The following HNRNPLL variants were observed in gnomAD, a reference collection of about 807,000 sequenced individuals.
HNRNPLL encodes heterogeneous nuclear ribonucleoprotein L like.
HNRNPLL carries 25 observed loss-of-function variants against 67.1 expected under a neutral mutation model. The observed-to-expected ratio is 0.37, with a 90% CI of 0.27 to 0.52. The LOEUF (loss-of-function observed/expected upper bound fraction) is 0.52, where lower values mean the gene tolerates loss of function less well. HNRNPLL is among the 20% of genes least tolerant of loss of function. The pLI is 0.90. For synonymous variants in HNRNPLL, 267 were observed against 241.7 expected (o/e 1.10, Z -0.97); for missense variants, 542 against 673.9 (o/e 0.80, Z 2.17).
intron 6 of HNRNPLL, among the ~76,000 whole-genome samples, chr2:38,579,039 C>T (rs148742103): frequency 1.4e-4 from 21 of 152,192 alleles, no homozygotes; most frequent in Admixed American, 2.0e-4. Context: ...CTTAAGCATA[C>T]GCCATCAAAC....
rs2148329006 is a variant in HNRNPLL at position 38,563,310 on chromosome 2, G to A, written c.*872C>T. 6.6e-6 allele frequency: 1 copy of A among 152,090 alleles called. No individual in the cohort carries two copies. The highest frequency in any genetic ancestry group is 1.9e-4 in the East Asian group (1 of 5,182). 9.4% of individuals were successfully genotyped at this position (152,090 alleles called of 1,614,324 possible). A position where few individuals can be genotyped will look rare whatever the true frequency, so the allele number is the denominator to read the frequency against. On this transcript the variant is annotated 3_prime_UTR_variant, in exon 13 of 13. Coordinates refer to ENST00000449105, the MANE Select transcript of HNRNPLL (RefSeq NM_138394.4). ...AAATACATATTACTGATGGATCCAA[G>A]AGTTAAAAAATAAAAATGTAAATAT...
At chr2:38,582,594 G>A (rs1231027758) in intron 4 of HNRNPLL, among the ~76,000 whole-genome samples, 2 of 152,124 alleles carry the variant, frequency 1.3e-5, no homozygotes, top group East Asian at 3.9e-4. Context: ...ACAGACGTGA[G>A]TCACTGCGCC....
chr2:38,577,471 A>G lies in HNRNPLL; in HGVS notation c.864T>C (p.His288=), dbSNP rs992797762. The G allele has an allele frequency of 7.5e-6, 12 of 1,600,810 alleles. No individual in the cohort carries two copies. The highest frequency in any genetic ancestry group is 2.7e-5 in the African/African-American group (2 of 74,604). Residue 288 remains histidine, a synonymous_variant, in exon 7 of 13, where the codon CAT becomes CAC. Transcript: ENST00000449105. The part of the protein sequence containing the change: ...ILGEHPSSFR[H]DGYGSHGPLL... The stretch of plus-strand genomic sequence containing the variant: ...ACCTTGACAACTTACCATAGCCATC[A>G]TGTCTAAACGAAGAAGGGTGTTCTC...
At chr2:38,569,658 G>A in intron 9 of HNRNPLL, 146 bp downstream of exon 9, 1 of 534,198 alleles carries the variant, frequency 1.9e-6, no homozygotes, top group Non-Finnish European at 3.2e-6. Context: ...CCTAACTCTT[G>A]TCTAAAATAA....
At chr2:38,591,198 A>G (rs915654246) in intron 2 of HNRNPLL, among the ~76,000 whole-genome samples, 1 of 152,206 alleles carries the variant, frequency 6.6e-6, no homozygotes, top group Non-Finnish European at 1.5e-5. Flanking sequence ...TGAAGCATGT[A>G]ATCAACTCAA....
In HNRNPLL at chr2:38,577,474, T is replaced by C. The variant is rs1448924797; in HGVS notation, c.861A>G (p.Arg287=). ...TTGACAACTTACCATAGCCATCATG[T>C]CTAAACGAAGAAGGGTGTTCTCCCA... ...AILGEHPSSF[R]HDGYGSHGPL... Residue 287 remains arginine (R), a synonymous_variant, in exon 7 of 13, where the codon AGA becomes AGG. Transcript: ENST00000449105. The C allele has an allele frequency of 6.2e-7, 1 of 1,603,922 alleles. No homozygotes were observed. The highest frequency in any genetic ancestry group is 8.5e-7 in the Non-Finnish European group (1 of 1,171,088).
In HNRNPLL at chr2:38,602,291, C is replaced by G; in HGVS notation, c.189+147G>C. 4 of 723,156 alleles carry G rather than the reference C, an allele frequency of 5.5e-6. 1 individual carries two copies. In the South Asian group the frequency reaches 7.7e-5, roughly 14 times the overall value. 44.8% of individuals were successfully genotyped at this position (723,156 alleles called of 1,614,324 possible). ...CGGGAAACAGGTAGAGGCCAGAATA[C>G]GAGCCCCAAAGAGAAGAGTGGGCGC... On this transcript the variant is annotated intron_variant, in intron 1 of 12. Transcript: ENST00000449105.
chr2:38,599,888 T>C (rs1481764131), intron 1 of HNRNPLL: 4 of 471,176 alleles, frequency 8.5e-6, no homozygotes, highest in Non-Finnish European at 1.8e-5. Context: ...ATGCCATCAT[T>C]GTACCTAACC....
chr2:38,573,832 C>G (rs1366020183), intron 7 of HNRNPLL, among the ~76,000 whole-genome samples: 2 of 151,916 alleles, frequency 1.3e-5, no homozygotes, highest in Admixed American at 6.6e-5. Context: ...ACAGTGAAAT[C>G]TGGGAAGCTA....
At chr2:38,585,926 C>G in intron 2 of HNRNPLL, 45 bp from the exon 3 acceptor site, 2 of 1,135,728 alleles carry the variant, frequency 1.8e-6, no homozygotes, top group South Asian at 2.5e-5. Flanking sequence ...CAGCAAGTTC[C>G]GTTAACATTA....
Position 38,564,089 on chromosome 2 carries a change from C to G in HNRNPLL, c.*93G>C. 1.2e-6 allele frequency: 1 copy of G among 812,552 alleles called. No individual in the cohort carries two copies. The highest frequency in any genetic ancestry group is 2.2e-6 in the Non-Finnish European group (1 of 464,740). The allele number at this position is 812,552 out of a possible 1,614,324, so 50.3% of individuals were successfully genotyped here. A position where few individuals can be genotyped will look rare whatever the true frequency, so the allele number is the denominator to read the frequency against. ...CAGGATCTTAAAGTAAGCAAGGCAA[C>G]ATGAGATCAACCATTTTAGATTTTT... On this transcript the variant is annotated 3_prime_UTR_variant, in exon 13 of 13. Coordinates refer to ENST00000449105, the MANE Select transcript of HNRNPLL (RefSeq NM_138394.4).
chr2:38,571,857 AC>A (rs1446473664), intron 8 of HNRNPLL, among the ~76,000 whole-genome samples: 1 of 152,204 alleles, frequency 6.6e-6, no homozygotes, highest in Non-Finnish European at 1.5e-5. Context: ...CAAATAACAT[AC>A]AAAAAATCTA....
chr2:38,584,533 AAATT>A (rs779804869), intron 3 of HNRNPLL, among the ~76,000 whole-genome samples: 9 of 152,196 alleles, frequency 5.9e-5, no homozygotes, highest in Non-Finnish European at 1.0e-4. Context: ...TGATGATATA[AAATT>A]AATAAACCAA....
chr2:38,590,934 G>C (rs560056866), intron 2 of HNRNPLL, among the ~76,000 whole-genome samples: 1 of 152,302 alleles, frequency 6.6e-6, no homozygotes, highest in African/African-American at 2.4e-5. Flanking sequence ...GGGCTCAGGA[G>C]GTGGAGGCTC....
chr2:38,598,296 T>G (rs1667292410), intron 1 of HNRNPLL, among the ~76,000 whole-genome samples: 1 of 152,156 alleles, frequency 6.6e-6, no homozygotes, highest in African/African-American at 2.4e-5. Context: ...GCTATAAGAA[T>G]GTCAGCCTAG....
At chr2:38,570,912 G>C (rs1003290163) in intron 8 of HNRNPLL, among the ~76,000 whole-genome samples, 4 of 152,022 alleles carry the variant, frequency 2.6e-5, no homozygotes, top group African/African-American at 7.2e-5. Context: ...GCTGGGCATG[G>C]TGGCATGCAC....
chr2:38,582,347 G>A (rs1666561798), intron 4 of HNRNPLL, among the ~76,000 whole-genome samples, 179 bp from the exon 5 acceptor site: 1 of 152,092 alleles, frequency 6.6e-6, no homozygotes, highest in Non-Finnish European at 1.5e-5. Context: ...ACGGAGTCTT[G>A]CTCTATCACC....
intron 1 of HNRNPLL, among the ~76,000 whole-genome samples, chr2:38,592,863 T>G (rs1558544904): frequency 6.6e-6 from 1 of 152,250 alleles, no homozygotes. Flanking sequence ...CTGAAAGCGC[T>G]ATTTTACCAT....
intron 12 of HNRNPLL, among the ~76,000 whole-genome samples, chr2:38,566,746 G>C (rs1351513655): frequency 2.0e-5 from 3 of 151,154 alleles, no homozygotes; most frequent in South Asian, 2.1e-4. Flanking sequence ...CACTTTGGGA[G>C]GCTGAGGCAG....
Sources: allele counts gnomAD v4.1 joint callset (sites outside exome capture counted in the v4.1 genomes callset), GRCh38; gene constraint gnomAD v4.1.1; transcripts MANE v1.5; gene names NCBI Gene and HGNC (gene_info 2026-07-23, HGNC 2026-07-21).